The following COL18A1 variants were observed in gnomAD, a reference collection of about 807,000 sequenced individuals.
COL18A1 encodes the protein collagen alpha-1(XVIII) chain.
A neutral mutation model predicts 168.0 loss-of-function variants in COL18A1; 133 were observed. The ratio of observed to expected loss-of-function variants is 0.79; its 90% confidence interval spans 0.69 to 0.91. The LOEUF (loss-of-function observed/expected upper bound fraction) is 0.91. COL18A1 is among the 40% of genes least tolerant of loss of function. The pLI is 0.00. For missense variants in COL18A1, 2,126 were observed against 1,925.4 expected (o/e 1.10, Z -1.95); for synonymous variants, 949 against 809.0 (o/e 1.17, Z -2.94).
rs1320394971 is a variant in COL18A1, at chr21:45,443,077, G to A, written c.107-25165G>A. Among the ~76,000 whole-genome samples the A allele has an allele frequency of 7.3e-6, 1 of 136,834 alleles. No individual in the cohort carries two copies. Among genetic ancestry groups the A allele is most frequent in the African/African-American group, 3.1e-5 (1 of 32,668 alleles). The allele number at this position is 136,834 out of a possible 152,430, so 89.8% of individuals were successfully genotyped here. ...GTGGGCGGTGGTGGTGCTGGTGTGG[G>A]TGGTGGTGGTGCTGATGTGGGCGGC... On this transcript the variant is annotated intron_variant, in intron 2 of 41. Coordinates refer to ENST00000651438, the MANE Select transcript of COL18A1 (RefSeq NM_001379500.1). This position sits in a 1 kb window ranked among gnomAD's most constrained non-coding sequence, Gnocchi z 5.2.
chr21:45,504,210 G>A, intron 33 of COL18A1, 156 bp downstream of exon 33: 1 of 961,828 alleles, frequency 1.0e-6, no homozygotes, highest in East Asian at 2.6e-5. Flanking sequence ...CGTCCCTCAG[G>A]ATGTTCCTGT....
intron 2 of COL18A1, among the ~76,000 whole-genome samples, chr21:45,458,325 T>G (rs1323960932): frequency 6.7e-6 from 1 of 150,282 alleles, no homozygotes; most frequent in Non-Finnish European, 1.5e-5. Context: ...CCACGGCTGT[T>G]GGCATCTCGT....
chr21:45,409,438 C>T (rs2033222872), intron 2 of COL18A1, among the ~76,000 whole-genome samples: 1 of 152,152 alleles, frequency 6.6e-6, no homozygotes, highest in African/African-American at 2.4e-5. Flanking sequence ...GTTCTGTGGC[C>T]TCTGGGCTTG....
intron 2 of COL18A1, among the ~76,000 whole-genome samples, chr21:45,452,851 ATGTG>A (rs72241035): frequency 1.4e-5 from 2 of 146,904 alleles, no homozygotes; most frequent in East Asian, 2.0e-4. Context: ...ACATGTATGT[ATGTG>A]TGGGGCTTGT....
At chr21:45,483,554 G>A (rs1031608292) in intron 15 of COL18A1, among the ~76,000 whole-genome samples, 2 of 152,144 alleles carry the variant, frequency 1.3e-5, no homozygotes, top group African/African-American at 4.8e-5. Flanking sequence ...TGGGAGCCGG[G>A]TCTGGGCCTC....
intron 2 of COL18A1, chr21:45,455,834 G>C: frequency 6.2e-7 from 1 of 1,613,232 alleles, no homozygotes; most frequent in Non-Finnish European, 8.5e-7. Context: ...GAGCCCGGAC[G>C]CGCCAGAGGA....
intron 14 of COL18A1, among the ~76,000 whole-genome samples, chr21:45,482,569 C>T (rs1000745581): frequency 6.6e-6 from 1 of 152,222 alleles, no homozygotes; most frequent in Non-Finnish European, 1.5e-5. Context: ...TAGCCAGGTC[C>T]AGCATTGGGA....
In COL18A1 at chr21:45,473,348, C is replaced by T. The variant is rs553496958; in HGVS notation, c.652-547C>T. Among the ~76,000 whole-genome samples, 5 of 152,300 alleles carry T rather than the reference C, an allele frequency of 3.3e-5. No homozygotes were observed. The highest frequency in any genetic ancestry group is 1.9e-4 in the East Asian group (1 of 5,170). ...TGAGATTGGGTCCGGACGGAATGGG[C>T]GCAGAGATCCAGGAAACTCCCCTAC... is the stretch of plus-strand genomic sequence containing the variant. On this transcript the variant is annotated intron_variant, in intron 3 of 41. Coordinates refer to ENST00000651438, the MANE Select transcript of COL18A1 (RefSeq NM_001379500.1). The surrounding 1 kb of genome is among the most constrained non-coding windows in gnomAD (Gnocchi z 4.0).
At position 45,498,262 on chromosome 21, in the gene COL18A1, G is replaced by C. The variant is rs1227987682; in HGVS notation, c.2683+601G>C. Reference sequence around the variant, plus strand: ...GGCTGGCAGAGCAGAAGCCCAGAGAGCCAGGCTAGCCTCGGGCGCCTTTCA... The same window carrying C: ...GGCTGGCAGAGCAGAAGCCCAGAGACCCAGGCTAGCCTCGGGCGCCTTTCA... On this transcript the variant is annotated intron_variant, in intron 32 of 41. Transcript: ENST00000651438. The surrounding 1 kb of genome is among the most constrained non-coding windows in gnomAD (Gnocchi z 4.5). The C allele has an allele frequency of 1.4e-5, 10 of 705,772 alleles. No homozygotes were observed. Among genetic ancestry groups the C allele is most frequent in the Non-Finnish European group, 2.6e-6 (1 of 384,702 alleles). The allele number at this position is 705,772 out of a possible 1,614,324, so 43.7% of individuals were successfully genotyped here. A position where few individuals can be genotyped will look rare whatever the true frequency, so the allele number is the denominator to read the frequency against.
chr21:45,493,587 G>A lies in COL18A1; in HGVS notation c.2352+12G>A. On this transcript the variant is annotated intron_variant, in intron 26 of 41. Coordinates refer to ENST00000651438, the MANE Select transcript of COL18A1 (RefSeq NM_001379500.1). Reference sequence around the variant, plus strand: ...AGAAAGGAGCCAAGGTGAGGGCCGGGCAGCCTCCTTCCGGCAGGCGTGGGG... The same window carrying A: ...AGAAAGGAGCCAAGGTGAGGGCCGGACAGCCTCCTTCCGGCAGGCGTGGGG... 1 of 1,548,276 alleles carries A rather than the reference G, an allele frequency of 6.5e-7. No individual in the cohort carries two copies. Among genetic ancestry groups the A allele is most frequent in the East Asian group, 2.4e-5 (1 of 40,956 alleles).
intron 2 of COL18A1, 105 bp downstream of exon 2, chr21:45,405,578 G>C (rs1265775269): frequency 4.3e-5 from 29 of 680,424 alleles, no homozygotes; most frequent in Non-Finnish European, 5.4e-5. Context: ...GGCCGCTCTG[G>C]GTTCAGCCCC....
chr21:45,437,373 CAG>C lies in COL18A1; in HGVS notation c.107-30867_107-30866del, dbSNP rs1287008211. ...ACTCTCCTGCGCACACACACACACT[CAG>C]ACACACAGGCACTCTCCTGCACACA... On this transcript the variant is annotated intron_variant, in intron 2 of 41. Transcript: ENST00000651438. 1.2e-4 allele frequency among the ~76,000 whole-genome samples: 13 copies of C among 105,862 alleles called. 3 individuals are homozygous for C. The highest frequency in any genetic ancestry group is 3.0e-4 in the South Asian group (1 of 3,334). The allele number at this position is 105,862 out of a possible 152,430, so 69.4% of individuals were successfully genotyped here. A position where few individuals can be genotyped will look rare whatever the true frequency, so the allele number is the denominator to read the frequency against.
intron 2 of COL18A1, chr21:45,455,472 G>A (rs1403465168): frequency 1.2e-6 from 2 of 1,603,184 alleles, no homozygotes; most frequent in Non-Finnish European, 1.7e-6. Context: ...AGCCTGGCTA[G>A]CCCCACCTCC....
chr21:45,500,296 GTATA>G (rs1568933430), intron 32 of COL18A1, among the ~76,000 whole-genome samples: 2 of 130,128 alleles, frequency 1.5e-5, no homozygotes, highest in African/African-American at 5.9e-5. Context: ...TGTGTGGAGT[GTATA>G]TGTGGGTGTG....
Position 45,443,755 on chromosome 21 carries a change from C to A in COL18A1, c.107-24487C>A, listed in dbSNP as rs2034443534. ...TCCTGGTGAAGAGTCTTTATGAGAGCAATGCGGCCCCGTGCCCCTTTACGC... is the reference window on the plus strand; with the variant it reads ...TCCTGGTGAAGAGTCTTTATGAGAGAAATGCGGCCCCGTGCCCCTTTACGC... On this transcript the variant is annotated intron_variant, in intron 2 of 41. Transcript: ENST00000651438. This position sits in a 1 kb window ranked among gnomAD's most constrained non-coding sequence, Gnocchi z 5.2. Among the ~76,000 whole-genome samples the A allele has an allele frequency of 6.6e-6, 1 of 152,216 alleles. No homozygotes were observed. Among genetic ancestry groups the A allele is most frequent in the Admixed American group, 6.5e-5 (1 of 15,280 alleles).
At chr21:45,439,818 T>C (rs2034319988) in intron 2 of COL18A1, among the ~76,000 whole-genome samples, 1 of 151,778 alleles carries the variant, frequency 6.6e-6, no homozygotes, top group African/African-American at 2.4e-5. Context: ...TGCCGCTCTC[T>C]GCGCCCCTGA....
At chr21:45,456,594 C>T in intron 2 of COL18A1, 1 of 1,541,982 alleles carries the variant, frequency 6.5e-7, no homozygotes, top group Non-Finnish European at 8.7e-7. Context: ...TTCTGGCTGC[C>T]CAACCACCTC....
chr21:45,493,863 G>A (rs1568925949), intron 26 of COL18A1: 6 of 482,408 alleles, frequency 1.2e-5, no homozygotes, highest in Non-Finnish European at 2.3e-5. Flanking sequence ...GCCTCCCTGG[G>A]GCCTGGCCTG....
chr21:45,456,399 C>T, intron 2 of COL18A1: 1 of 1,546,746 alleles, frequency 6.5e-7, no homozygotes, highest in Admixed American at 2.0e-5. Flanking sequence ...GGCGCACTGT[C>T]TCAGGTCGCA....
Sources: gnomAD v4.1 joint callset for allele counts (sites outside exome capture counted in the v4.1 genomes callset) on GRCh38, gnomAD v4.1.1 for gene constraint, Gnocchi (gnomAD v3.1) non-coding constraint, MANE v1.5 for transcripts, NCBI Gene and HGNC (gene_info 2026-07-23, HGNC 2026-07-21) for gene names.